FLNB: variants seen among roughly 807,000 people sequenced by gnomAD.
FLNB encodes filamin-B.
A neutral mutation model predicts 250.6 loss-of-function variants in FLNB; 111 were observed. The observed-to-expected ratio is 0.44, with a 90% CI of 0.38 to 0.52. The LOEUF is 0.52. Among genes scored for constraint, FLNB ranks in the 20% least tolerant of loss-of-function variants. The pLI is 0.00. For missense variants in FLNB, 2,869 were observed against 3,447.8 expected, an observed-to-expected ratio of 0.83 and a Z score of 4.20; for synonymous variants, 1,302 against 1,372.1, an observed-to-expected ratio of 0.95 and a Z score of 1.13.
intron 1 of FLNB, among the ~76,000 whole-genome samples, chr3:58,035,074 G>A (rs2097136158): frequency 6.6e-6 from 1 of 152,192 alleles, no homozygotes; most frequent in Non-Finnish European, 1.5e-5. Context: ...GGACCTCAAG[G>A]AGGTGTTTCA....
intron 34 of FLNB, 118 bp from the exon 35 acceptor site, chr3:58,148,088 C>A: frequency 9.6e-7 from 1 of 1,037,312 alleles, no homozygotes; most frequent in Non-Finnish European, 1.5e-6. Context: ...TTTTTTTTCA[C>A]TTAACTTTGT....
chr3:58,024,741 G>C (rs2097120722), intron 1 of FLNB, among the ~76,000 whole-genome samples: 1 of 90,832 alleles, frequency 1.1e-5, no homozygotes, highest in African/African-American at 3.7e-5. Context: ...CCTTGAGACA[G>C]TCTTGCTTTG....
At position 58,008,453 on chromosome 3, in the gene FLNB, C is replaced by A. The variant is rs918585196; in HGVS notation, c.-112C>A. ...GCACCGGCCGTGGCTCCGGTAGCAGCAAGTTCGAACCCCGCTCCCGCTCCG... is the reference window on the plus strand; with the variant it reads ...GCACCGGCCGTGGCTCCGGTAGCAGAAAGTTCGAACCCCGCTCCCGCTCCG... On this transcript the variant is annotated 5_prime_UTR_variant, in exon 1 of 46. Transcript: ENST00000295956. 6.8e-5 allele frequency: 89 copies of A among 1,300,132 alleles called. 1 individual carries two copies. Among genetic ancestry groups the A allele is most frequent in the Non-Finnish European group, 9.3e-5 (86 of 925,674 alleles). 80.5% of individuals were successfully genotyped at this position (1,300,132 alleles called of 1,614,324 possible). A position where few individuals can be genotyped will look rare whatever the true frequency, so the allele number is the denominator to read the frequency against.
intron 39 of FLNB, among the ~76,000 whole-genome samples, chr3:58,153,922 G>A (rs772401834): frequency 1.2e-4 from 19 of 152,092 alleles, no homozygotes; most frequent in Non-Finnish European, 1.8e-4. Flanking sequence ...AGAGTAATAC[G>A]GTTTCCAGAG....
At chr3:58,086,018 G>A (rs181061570) in intron 4 of FLNB, among the ~76,000 whole-genome samples, 12 of 152,184 alleles carry the variant, frequency 7.9e-5, no homozygotes, top group Admixed American at 7.9e-4. Flanking sequence ...TTTTCAGATA[G>A]AGTCTCACTC....
At chr3:58,038,673 C>T (rs182932706) in intron 1 of FLNB, among the ~76,000 whole-genome samples, 11 of 152,020 alleles carry the variant, frequency 7.2e-5, no homozygotes, top group African/African-American at 2.7e-4. Flanking sequence ...AAGTGATCTC[C>T]TGCCTCAGCC....
chr3:58,143,644 C>T (rs1442847864), intron 32 of FLNB, 31 bp downstream of exon 32: 2 of 1,612,860 alleles, frequency 1.2e-6, no homozygotes, highest in Non-Finnish European at 1.7e-6. Context: ...CAGCAGGGCT[C>T]CACCATTCAG....
At chr3:58,014,504 C>A (rs866350880) in intron 1 of FLNB, among the ~76,000 whole-genome samples, 1 of 152,212 alleles carries the variant, frequency 6.6e-6, no homozygotes, top group African/African-American at 2.4e-5. Context: ...AGTCGGCAGC[C>A]GCCTTCGTTC....
intron 3 of FLNB, 98 bp downstream of exon 3, chr3:58,078,912 T>C (rs934421931): frequency 1.2e-6 from 1 of 810,266 alleles, no homozygotes; most frequent in Non-Finnish European, 2.1e-6. Context: ...TTCTTGGCAT[T>C]GAGACTTCAG....
chr3:58,154,510 A>G (rs1385885761), intron 39 of FLNB: 1 of 377,680 alleles, frequency 2.6e-6, no homozygotes, highest in Non-Finnish European at 5.0e-6. Context: ...GCACCACTGC[A>G]CTCCAGCCTG....
intron 1 of FLNB, among the ~76,000 whole-genome samples, chr3:58,058,021 T>C (rs370184911): frequency 1.2e-4 from 18 of 152,244 alleles, no homozygotes; most frequent in African/African-American, 4.1e-4. Context: ...ACTCCCGACC[T>C]CAGGTGATCC....
intron 1 of FLNB, among the ~76,000 whole-genome samples, chr3:58,039,119 G>A (rs1405514808): frequency 3.4e-5 from 5 of 148,480 alleles, no homozygotes; most frequent in Admixed American, 6.8e-5. Flanking sequence ...CCTTGACCAC[G>A]TGGGCTCAAG....
intron 8 of FLNB, among the ~76,000 whole-genome samples, chr3:58,100,271 C>G (rs1470661298): frequency 6.6e-6 from 1 of 150,616 alleles, no homozygotes; most frequent in Non-Finnish European, 1.5e-5. Flanking sequence ...TCTTTTCTGG[C>G]CTGTACATCC....
chr3:58,132,331 T>A, intron 25 of FLNB: 1 of 431,362 alleles, frequency 2.3e-6, no homozygotes, highest in Non-Finnish European at 4.3e-6. Context: ...AGCATGCTGG[T>A]ACCACAGTGT....
chr3:58,069,523 G>A (rs1185986417), intron 1 of FLNB, among the ~76,000 whole-genome samples: 1 of 152,036 alleles, frequency 6.6e-6, no homozygotes, highest in African/African-American at 2.4e-5. Context: ...TTATAGGCGT[G>A]AGCCACCATG....
chr3:58,014,497 C>T (rs563342095), intron 1 of FLNB, among the ~76,000 whole-genome samples: 7 of 152,310 alleles, frequency 4.6e-5, no homozygotes, highest in Non-Finnish European at 1.0e-4. Flanking sequence ...GCATGCCAGT[C>T]GGCAGCCGCC....
At chr3:58,158,290 A>T (rs1575471217) in intron 41 of FLNB, among the ~76,000 whole-genome samples, 1 of 152,252 alleles carries the variant, frequency 6.6e-6, no homozygotes, top group Admixed American at 6.5e-5. Context: ...ACTATTGAAC[A>T]TCTGAAATGT....
Position 58,062,002 on chromosome 3 carries a change from A to G in FLNB, c.293-15044A>G, listed in dbSNP as rs563799510. Among the ~76,000 whole-genome samples the G allele has an allele frequency of 2.0e-4, 30 of 151,380 alleles. No homozygotes were observed. The South Asian group carries it at 6.3e-3, about 32-fold the overall frequency. On this transcript the variant is annotated intron_variant, in intron 1 of 45. Transcript: ENST00000295956. ...GCTACTTGGGAGGCTGAGGTGGGAG[A>G]ATCGCTTGAACCTGGGAGGCGGAGG...
intron 1 of FLNB, among the ~76,000 whole-genome samples, chr3:58,011,266 G>C (rs1012594564): frequency 6.6e-6 from 1 of 152,068 alleles, no homozygotes; most frequent in African/African-American, 2.4e-5. Flanking sequence ...CCATTGTCCC[G>C]ACGTTCCAGG....
Sources: gnomAD v4.1 joint callset for allele counts (sites outside exome capture counted in the v4.1 genomes callset) on GRCh38, gnomAD v4.1.1 for gene constraint, MANE v1.5 for transcripts, NCBI Gene and HGNC (gene_info 2026-07-23, HGNC 2026-07-21) for gene names.